PPP2R2C: variants seen among roughly 807,000 people sequenced by gnomAD.
PPP2R2C encodes protein phosphatase 2 regulatory subunit Bgamma.
Under a neutral mutation model 45.3 loss-of-function variants are expected in PPP2R2C, and 10 were observed. The ratio of observed to expected loss-of-function variants is 0.22; its 90% CI spans 0.14 to 0.37. The LOEUF is 0.37. Ranked by LOEUF, PPP2R2C falls within the 10% of genes least tolerant of loss-of-function variation. The pLI, the probability that PPP2R2C is intolerant of heterozygous loss-of-function variation, is 1.00. For synonymous variants in PPP2R2C, 257 were observed against 245.4 expected (o/e 1.05, Z -0.44); for missense variants, 308 against 619.7 (o/e 0.50, Z 5.34).
intron 1 of PPP2R2C, among the ~76,000 whole-genome samples, chr4:6,414,350 T>G (rs1033895693): frequency 6.6e-6 from 1 of 152,108 alleles, no homozygotes; most frequent in Non-Finnish European, 1.5e-5. Flanking sequence ...TCTGATCATG[T>G]GCACGGTGGG....
At chr4:6,413,993 G>C in intron 1 of PPP2R2C, 1 of 1,535,026 alleles carries the variant, frequency 6.5e-7, no homozygotes, top group Non-Finnish European at 8.7e-7. Context: ...CTGCCATGTT[G>C]CCAGTCAATG....
At chr4:6,346,594 C>A (rs1000541949) in intron 6 of PPP2R2C, among the ~76,000 whole-genome samples, 1 of 152,220 alleles carries the variant, frequency 6.6e-6, no homozygotes, top group African/African-American at 2.4e-5. Flanking sequence ...TAGGCGCCTA[C>A]TGAATGCCTG....
rs148582586 is a variant in PPP2R2C at position 6,429,815 on chromosome 4, C to T, written c.70+42345G>A. Among the ~76,000 whole-genome samples the T allele has an allele frequency of 3.4e-3, 524 of 152,202 alleles. 4 individuals are homozygous for T. The highest frequency in any genetic ancestry group is 0.011 in the African/African-American group (477 of 41,506). Reference sequence around the variant, plus strand: ...AAATGCCCATCGTTGCCAGAAAGAACGGGTGTGAGAATGCAGGCCAGTCCC... The same window carrying T: ...AAATGCCCATCGTTGCCAGAAAGAATGGGTGTGAGAATGCAGGCCAGTCCC... On this transcript the variant is annotated intron_variant, in intron 1 of 8. Transcript: ENST00000382599.
chr4:6,411,686 G>T (rs954830316), intron 1 of PPP2R2C, among the ~76,000 whole-genome samples: 3 of 151,936 alleles, frequency 2.0e-5, no homozygotes, highest in African/African-American at 7.3e-5. Context: ...CTGAGTAGCT[G>T]GGACTACAGG....
chr4:6,323,784 A>T (rs1024124164), intron 8 of PPP2R2C, among the ~76,000 whole-genome samples, 191 bp from the exon 9 acceptor site: 5 of 152,088 alleles, frequency 3.3e-5, no homozygotes, highest in African/African-American at 7.2e-5. Flanking sequence ...AAAAAAAATT[A>T]AAAATGACCG....
chr4:6,473,588 A>AC (rs1344215108), upstream of PPP2R2C, among the ~76,000 whole-genome samples: 1 of 152,160 alleles, frequency 6.6e-6, no homozygotes, highest in Non-Finnish European at 1.5e-5. Flanking sequence ...CAGTGGGGTG[A>AC]CCAGAGCTGC....
intron 2 of PPP2R2C, among the ~76,000 whole-genome samples, chr4:6,489,956 G>T (rs961253301): frequency 6.6e-6 from 1 of 152,162 alleles, no homozygotes; most frequent in Non-Finnish European, 1.5e-5. Context: ...CCTCCCCTAG[G>T]CCAGCCTTGG....
chr4:6,539,627 T>G (rs2108830493), intron 1 of PPP2R2C, among the ~76,000 whole-genome samples: 1 of 152,342 alleles, frequency 6.6e-6, no homozygotes. Context: ...CTGAAAGTTC[T>G]TCTCAAGCCC....
chr4:6,441,153 G>A (rs534042538), intron 1 of PPP2R2C, among the ~76,000 whole-genome samples: 171 of 152,224 alleles, frequency 1.1e-3, no homozygotes, highest in South Asian at 2.9e-3. Context: ...AGCAGCCTGA[G>A]GGAAGCCGCC....
At chr4:6,479,432 T>C (rs1201282360) in intron 2 of PPP2R2C, among the ~76,000 whole-genome samples, 1 of 106,102 alleles carries the variant, frequency 9.4e-6, no homozygotes, top group Non-Finnish European at 1.7e-5. Flanking sequence ...ACAACCCAGG[T>C]CGCCATGCCT....
At chr4:6,352,484 C>G (rs1712662564) in intron 5 of PPP2R2C, among the ~76,000 whole-genome samples, 1 of 152,180 alleles carries the variant, frequency 6.6e-6, no homozygotes, top group African/African-American at 2.4e-5. Flanking sequence ...TCCCCTTTCC[C>G]CTGGCAAAGC....
intron 1 of PPP2R2C, among the ~76,000 whole-genome samples, chr4:6,561,307 G>A (rs761793301): frequency 1.3e-5 from 2 of 152,210 alleles, no homozygotes; most frequent in Admixed American, 6.5e-5. Flanking sequence ...AAAGGAACAC[G>A]ATGTTACACA....
chr4:6,562,863 C>G (rs965588634), intron 1 of PPP2R2C, among the ~76,000 whole-genome samples: 3 of 151,778 alleles, frequency 2.0e-5, no homozygotes, highest in African/African-American at 7.3e-5. Flanking sequence ...CGCATAAAAG[C>G]CAACCCGGGT....
At chr4:6,453,156 T>C (rs1193772356) in intron 1 of PPP2R2C, among the ~76,000 whole-genome samples, 1 of 152,074 alleles carries the variant, frequency 6.6e-6, no homozygotes, top group African/African-American at 2.4e-5. Context: ...CCATCCACCC[T>C]TGAAGGGACC....
intron 4 of PPP2R2C, among the ~76,000 whole-genome samples, 155 bp downstream of exon 4, chr4:6,375,664 C>A (rs1715238824): frequency 6.6e-6 from 1 of 152,220 alleles, no homozygotes; most frequent in Non-Finnish European, 1.5e-5. Context: ...GAAACTGAGG[C>A]AAGGGGCAGG....
chr4:6,425,297 T>A (rs1719223894), intron 1 of PPP2R2C, among the ~76,000 whole-genome samples: 1 of 152,154 alleles, frequency 6.6e-6, no homozygotes, highest in Admixed American at 6.5e-5. Flanking sequence ...TGAGCATCAT[T>A]AAGAGCCCAA....
intron 4 of PPP2R2C, 124 bp downstream of exon 4, chr4:6,375,695 G>T: frequency 1.3e-6 from 1 of 791,100 alleles, no homozygotes; most frequent in Non-Finnish European, 2.1e-6. Context: ...TGGCCGCCCA[G>T]CAGCCAGCAG....
At chr4:6,519,023 G>A (rs1173456123) in intron 2 of PPP2R2C, among the ~76,000 whole-genome samples, 1 of 151,506 alleles carries the variant, frequency 6.6e-6, no homozygotes, top group African/African-American at 2.4e-5. Context: ...GAAAGTACCA[G>A]GCCCAGATGG....
intron 6 of PPP2R2C, among the ~76,000 whole-genome samples, chr4:6,344,280 T>A (rs1008392109): frequency 6.6e-6 from 1 of 152,222 alleles, no homozygotes; most frequent in East Asian, 1.9e-4. Flanking sequence ...GGGTGAAGAA[T>A]GAAATTGAAT....
Sources: allele counts gnomAD v4.1 joint callset (sites outside exome capture counted in the v4.1 genomes callset), GRCh38; gene constraint gnomAD v4.1.1; transcripts MANE v1.5; gene names NCBI Gene and HGNC (gene_info 2026-07-23, HGNC 2026-07-21).